MPP4: variants seen among roughly 807,000 people sequenced by gnomAD.
The protein encoded by MPP4 is MAGUK p55 scaffold protein 4, also known as MAGUK p55 subfamily member 4.
MPP4 carries 91 observed loss-of-function variants against 98.3 expected under a neutral mutation model. The observed-to-expected ratio is 0.93, with a 90% CI of 0.78 to 1.10. MPP4 has a LOEUF of 1.10. MPP4 is among the 50% of genes least tolerant of loss of function. The pLI is 0.00. For missense variants in MPP4, 744 were observed against 792.9 expected, an observed-to-expected ratio of 0.94 and a Z score of 0.74; for synonymous variants, 261 against 271.8, an observed-to-expected ratio of 0.96 and a Z score of 0.39.
intron 8 of MPP4, among the ~76,000 whole-genome samples, chr2:201,681,773 G>C (rs1450563182): frequency 6.6e-6 from 1 of 151,974 alleles, no homozygotes; most frequent in Non-Finnish European, 1.5e-5. Context: ...TGTGGTTCTG[G>C]GGTCGCTGGT....
In MPP4 at chr2:201,645,415, A is replaced by C. The variant is rs1687533997; in HGVS notation, c.1720-11T>G. ...TTGTAGGTCTTCATCCTTTAGGAGAAATAGAAAAATATGGATAGTACAGAC... is the reference window on the plus strand; with the variant it reads ...TTGTAGGTCTTCATCCTTTAGGAGACATAGAAAAATATGGATAGTACAGAC... On this transcript the variant is annotated splice_polypyrimidine_tract_variant and intron_variant, in intron 21 of 21. Coordinates refer to ENST00000409474, the MANE Select transcript of MPP4 (RefSeq NM_033066.3). The C allele has an allele frequency of 6.2e-7, 1 of 1,610,908 alleles. No individual in the cohort carries two copies. The highest frequency in any genetic ancestry group is 1.1e-5 in the South Asian group (1 of 90,902).
chr2:201,687,871 TTAA>T (rs1342258139), intron 4 of MPP4, among the ~76,000 whole-genome samples: 2 of 152,210 alleles, frequency 1.3e-5, no homozygotes, highest in African/African-American at 4.8e-5. Context: ...ATTAGCAATT[TTAA>T]TGCTTGTTAC....
chr2:201,664,471 C>T lies in MPP4; in HGVS notation c.1052-370G>A, dbSNP rs984345415. ...GCTCGGCTTTGCTGCAGAGGGCTTG[C>T]CGATGTAGGAGGGGTGCACCCTGCC... On this transcript the variant is annotated intron_variant, in intron 13 of 21. Transcript: ENST00000409474. 6.2e-6 allele frequency: 5 copies of T among 808,120 alleles called. No individual in the cohort carries two copies. The African/African-American group carries it at 7.2e-5, about 12-fold the overall frequency. 50.1% of individuals were successfully genotyped at this position (808,120 alleles called of 1,614,324 possible). A position where few individuals can be genotyped will look rare whatever the true frequency, so the allele number is the denominator to read the frequency against.
chr2:201,694,647 A>C (rs558792745), intron 1 of MPP4, among the ~76,000 whole-genome samples: 1 of 101,090 alleles, frequency 9.9e-6, no homozygotes, highest in Non-Finnish European at 1.8e-5. Context: ...ACAGGGTCTC[A>C]CTCTGTTGCT....
intron 10 of MPP4, among the ~76,000 whole-genome samples, chr2:201,675,785 G>A (rs1377112268): frequency 6.6e-6 from 1 of 152,156 alleles, no homozygotes; most frequent in Non-Finnish European, 1.5e-5. Flanking sequence ...CTCTTCCCTT[G>A]AGTCCCCCAG....
chr2:201,693,159 T>C (rs527517875), intron 2 of MPP4, 130 bp from the exon 3 acceptor site: 85 of 1,055,774 alleles, frequency 8.1e-5, no homozygotes, highest in Non-Finnish European at 1.1e-4. Flanking sequence ...GGCCAAAAGA[T>C]CTGACTTCAA....
chr2:201,691,749 C>T (rs1239243744), intron 3 of MPP4, among the ~76,000 whole-genome samples: 1 of 152,168 alleles, frequency 6.6e-6, no homozygotes, highest in Non-Finnish European at 1.5e-5. Context: ...AACCTCCTGA[C>T]CTCAGGTGAT....
At chr2:201,664,436 G>A (rs1688111190) in intron 13 of MPP4, 2 of 1,140,232 alleles carry the variant, frequency 1.8e-6, no homozygotes, top group African/African-American at 3.2e-5. Flanking sequence ...CCTAGAGACT[G>A]TTGGATACTG....
At chr2:201,645,606 A>T (rs1194513796) in intron 21 of MPP4, among the ~76,000 whole-genome samples, 3 of 152,088 alleles carry the variant, frequency 2.0e-5, no homozygotes, top group African/African-American at 4.8e-5. Context: ...GAAAATAGTA[A>T]TTTTTTTGCC....
In MPP4 at chr2:201,650,118, G is replaced by A; in HGVS notation, c.1429C>T (p.His477Tyr). 1 of 1,581,548 alleles carries A rather than the reference G, an allele frequency of 6.3e-7. No homozygotes were observed. Among genetic ancestry groups the A allele is most frequent in the Non-Finnish European group, 8.6e-7 (1 of 1,161,656 alleles). The change falls in exon 19 of 22, where the codon CAC becomes TAC. Residue 477 changes from histidine (H) to tyrosine (Y), a missense_variant. By Grantham distance (83) the His-to-Tyr change is moderately conservative. Coordinates refer to ENST00000409474, the MANE Select transcript of MPP4 (RefSeq NM_033066.3). ...KSYEMNGREY[H>Y]YVSKETFENL... Reference sequence around the variant, plus strand: ...TCAAATGTTTCCTTGGACACATAGTGATACTCACGCCCATTCATTTCGTAA... The same window carrying A: ...TCAAATGTTTCCTTGGACACATAGTAATACTCACGCCCATTCATTTCGTAA...
intron 14 of MPP4, 132 bp downstream of exon 14, chr2:201,663,949 G>T: frequency 2.1e-6 from 1 of 483,858 alleles, no homozygotes. Flanking sequence ...CATGATGTGG[G>T]ATACACGCAG....
chr2:201,683,761 AAAAG>A (rs1688733811), intron 7 of MPP4, among the ~76,000 whole-genome samples: 2 of 151,896 alleles, frequency 1.3e-5, no homozygotes, highest in African/African-American at 2.4e-5. Context: ...CAAAAAAAAA[AAAAG>A]AAAAGAAAAG....
rs886132370 is a variant in MPP4 at position 201,652,225 on chromosome 2, G to T, written c.1382-2060C>A. On this transcript the variant is annotated intron_variant, in intron 18 of 21. Transcript: ENST00000409474. ...TATAATTCCAGCACTTTGGGAGGCTGAGGTGGGCAGATCACTTGAGTTCAG... is the reference window on the plus strand; with the variant it reads ...TATAATTCCAGCACTTTGGGAGGCTTAGGTGGGCAGATCACTTGAGTTCAG... 3.3e-5 allele frequency among the ~76,000 whole-genome samples: 5 copies of T among 152,238 alleles called. No individual in the cohort carries two copies. The East Asian group carries it at 7.8e-4, about 24-fold the overall frequency.
intron 10 of MPP4, 48 bp from the exon 11 acceptor site, chr2:201,675,319 C>G: frequency 6.5e-7 from 1 of 1,542,232 alleles, no homozygotes; most frequent in Non-Finnish European, 8.8e-7. Flanking sequence ...AAAAACCACT[C>G]TTTGTTAACC....
At chr2:201,667,551 A>G in intron 12 of MPP4, among the ~76,000 whole-genome samples, 1 of 152,186 alleles carries the variant, frequency 6.6e-6, no homozygotes, top group East Asian at 1.9e-4. Flanking sequence ...TATTTCTTAA[A>G]TTGAGTTTTC....
Position 201,645,129 on chromosome 2 carries a change from A to C in MPP4, c.*81T>G. 7.9e-7 allele frequency: 1 copy of C among 1,259,696 alleles called. No homozygotes were observed. Among genetic ancestry groups the C allele is most frequent in the Non-Finnish European group, 1.1e-6 (1 of 932,932 alleles). 78.0% of individuals were successfully genotyped at this position (1,259,696 alleles called of 1,614,324 possible). ...AAAGTTGTACACATTAAAATGGGTC[A>C]AATACTGTTGTTTTAGATTGCAACT... is the stretch of plus-strand genomic sequence containing the variant. On this transcript the variant is annotated 3_prime_UTR_variant, in exon 22 of 22. Transcript: ENST00000409474.
At chr2:201,659,071 T>A (rs778564540) in intron 15 of MPP4, among the ~76,000 whole-genome samples, 11 of 152,058 alleles carry the variant, frequency 7.2e-5, no homozygotes, top group Admixed American at 2.0e-4. Flanking sequence ...AATTTTTGTA[T>A]TTTTAGTAGA....
At chr2:201,658,570 T>C in intron 15 of MPP4, 52 bp from the exon 16 acceptor site, 1 of 1,521,214 alleles carries the variant, frequency 6.6e-7, no homozygotes, top group Non-Finnish European at 9.0e-7. Context: ...AGAAGTTTAT[T>C]CAGAATAAAT....
intron 21 of MPP4, among the ~76,000 whole-genome samples, chr2:201,647,325 C>T (rs1019916421): frequency 3.3e-5 from 5 of 151,654 alleles, no homozygotes; most frequent in Non-Finnish European, 5.9e-5. Flanking sequence ...TTGCAAACTA[C>T]GGCTCAAGGA....
Sources: allele counts gnomAD v4.1 joint callset (sites outside exome capture counted in the v4.1 genomes callset), GRCh38; gene constraint gnomAD v4.1.1; transcripts MANE v1.5; gene names NCBI Gene and HGNC (gene_info 2026-07-23, HGNC 2026-07-21).